MERTK: variants seen among roughly 807,000 people sequenced by gnomAD.
The protein encoded by MERTK is tyrosine-protein kinase Mer.
Under a neutral mutation model 99.3 loss-of-function variants are expected in MERTK, and 69 were observed. The ratio of observed to expected loss-of-function variants is 0.70; its 90% CI spans 0.57 to 0.85. MERTK has a LOEUF of 0.85. Among genes scored for constraint, MERTK ranks in the 40% least tolerant of loss-of-function variants. The pLI is 0.00. For missense variants in MERTK, 1,125 were observed against 1,249.4 expected (o/e 0.90, Z 1.50); for synonymous variants, 426 against 467.6 (o/e 0.91, Z 1.15).
chr2:111,902,344 G>A (rs905709614), intron 1 of MERTK, among the ~76,000 whole-genome samples: 2 of 152,176 alleles, frequency 1.3e-5, no homozygotes, highest in Non-Finnish European at 2.9e-5. Context: ...CTGGGACCTT[G>A]AACACACATG....
intron 18 of MERTK, among the ~76,000 whole-genome samples, chr2:112,024,524 C>T (rs2104426495): frequency 6.6e-6 from 1 of 152,322 alleles, no homozygotes; most frequent in East Asian, 1.9e-4. Flanking sequence ...GCTGTGGCCT[C>T]GGGGCCCCTG....
chr2:112,028,354 T>C lies in MERTK; in HGVS notation c.2490T>C (p.Tyr830=), dbSNP rs762754792. The C allele has an allele frequency of 1.2e-6, 2 of 1,614,136 alleles. No homozygotes were observed. Among genetic ancestry groups the C allele is most frequent in the South Asian group, 1.1e-5 (1 of 91,082 alleles). The change falls in exon 19 of 19, where the codon TAT becomes TAC. Residue 830 remains tyrosine (Y), a synonymous_variant. Coordinates refer to ENST00000295408, the MANE Select transcript of MERTK (RefSeq NM_006343.3). The part of the protein sequence containing the change: ...KQPEDCLDEL[Y]EIMYSCWRTD... Reference sequence around the variant, plus strand: ...TCCACTTCTTTTTAACTTTCAGGTATGAAATAATGTACTCTTGCTGGAGAA... The same window carrying C: ...TCCACTTCTTTTTAACTTTCAGGTACGAAATAATGTACTCTTGCTGGAGAA...
chr2:112,007,716 A>G (rs1015623276), intron 13 of MERTK, among the ~76,000 whole-genome samples: 2 of 151,680 alleles, frequency 1.3e-5, no homozygotes, highest in Non-Finnish European at 2.9e-5. Context: ...CATCCAACTC[A>G]CAAGGCGTGG....
intron 1 of MERTK, among the ~76,000 whole-genome samples, chr2:111,899,700 T>C (rs1356703801): frequency 6.6e-6 from 1 of 152,122 alleles, no homozygotes; most frequent in East Asian, 1.9e-4. Context: ...GTATTTTTAG[T>C]AGAGACGGGG....
At chr2:111,935,264 C>T (rs1286486967) in intron 2 of MERTK, among the ~76,000 whole-genome samples, 6 of 152,172 alleles carry the variant, frequency 3.9e-5, no homozygotes, top group African/African-American at 1.4e-4. Flanking sequence ...AACATTGAGG[C>T]AAGTTGGGCA....
intron 12 of MERTK, 103 bp from the exon 13 acceptor site, chr2:112,003,801 T>C: frequency 9.4e-7 from 1 of 1,067,270 alleles, no homozygotes; most frequent in Non-Finnish European, 1.4e-6. Flanking sequence ...CGTGGGTGAG[T>C]TGCTCTCATA....
At chr2:111,950,674 G>C (rs905684520) in intron 4 of MERTK, among the ~76,000 whole-genome samples, 6 of 152,160 alleles carry the variant, frequency 3.9e-5, no homozygotes, top group African/African-American at 1.4e-4. Flanking sequence ...ACAAGACTTA[G>C]AGAAGATTTT....
chr2:111,929,541 G>A lies in MERTK; in HGVS notation c.482+1G>A. The stretch of plus-strand genomic sequence containing the variant: ...TTACAGCAATAATCGCTTCCTTCAG[G>A]TATGTGTTCTTTCTTCCTTTTTTAT... On this transcript the variant is annotated splice_donor_variant, in intron 2 of 18. Transcript: ENST00000295408. LOFTEE classifies it high-confidence loss of function. 1 of 1,574,310 alleles carries A rather than the reference G, an allele frequency of 6.4e-7. No homozygotes were observed. The highest frequency in any genetic ancestry group is 8.6e-7 in the Non-Finnish European group (1 of 1,159,146).
At chr2:111,970,050 A>G (rs536344750) in intron 6 of MERTK, among the ~76,000 whole-genome samples, 1 of 151,862 alleles carries the variant, frequency 6.6e-6, no homozygotes, top group South Asian at 2.1e-4. Flanking sequence ...AAGCCTCCCA[A>G]GCACTGGTAA....
intron 1 of MERTK, among the ~76,000 whole-genome samples, chr2:111,903,349 T>G (rs1349810048): frequency 6.6e-6 from 1 of 152,230 alleles, no homozygotes; most frequent in East Asian, 1.9e-4. Flanking sequence ...AAAACAATCT[T>G]TTATTTTGCT....
In MERTK at chr2:111,938,509, A is replaced by G. The variant is rs908954993; in HGVS notation, c.483-6451A>G. 2.6e-5 allele frequency among the ~76,000 whole-genome samples: 4 copies of G among 152,228 alleles called. No individual in the cohort carries two copies. In the South Asian group the frequency reaches 8.3e-4, roughly 32 times the overall value. ...TCATTTCTGAGCAGGCTAGACTGGT[A>G]GTGGTAAGGACTGAGGGTTAGAGAC... On this transcript the variant is annotated intron_variant, in intron 2 of 18. Transcript: ENST00000295408.
rs114858296 is a variant in MERTK, at chr2:111,916,811, A to G, written c.62-12309A>G. Among the ~76,000 whole-genome samples the G allele has an allele frequency of 5.6e-3, 845 of 152,222 alleles. 4 individuals carry two copies. The highest frequency in any genetic ancestry group is 0.014 in the Middle Eastern group (4 of 294). ...GGATCTTAGTTTAGTCTTCTGTTTT[A>G]CCTGTTTTCCTCTGACTTGCTCTGG... On this transcript the variant is annotated intron_variant, in intron 1 of 18. Coordinates refer to ENST00000295408, the MANE Select transcript of MERTK (RefSeq NM_006343.3).
At chr2:111,947,275 C>A in intron 3 of MERTK, 119 bp from the exon 4 acceptor site, 2 of 558,846 alleles carry the variant, frequency 3.6e-6, no homozygotes, top group Non-Finnish European at 6.6e-6. Context: ...TCCATCCCCA[C>A]CCGCCCCCCA....
intron 6 of MERTK, among the ~76,000 whole-genome samples, chr2:111,971,342 T>C (rs1039027258): frequency 6.6e-6 from 1 of 152,082 alleles, no homozygotes; most frequent in African/African-American, 2.4e-5. Context: ...TTTTTGTTTC[T>C]TTTTTTTCTG....
At chr2:112,020,393 T>A (rs2104422551) in intron 16 of MERTK, among the ~76,000 whole-genome samples, 1 of 152,290 alleles carries the variant, frequency 6.6e-6, no homozygotes, top group Non-Finnish European at 1.5e-5. Flanking sequence ...GAGGGGTTTC[T>A]CAGGACAAGG....
At chr2:111,962,475 G>A (rs1252718282) in intron 4 of MERTK, among the ~76,000 whole-genome samples, 2 of 152,002 alleles carry the variant, frequency 1.3e-5, no homozygotes, top group Non-Finnish European at 2.9e-5. Flanking sequence ...CCATTGCCTG[G>A]GTGATGACAG....
Position 112,019,626 on chromosome 2 carries a change from C to G in MERTK, c.2189+104C>G. ...CCTGTTTAGATAGGCAAGGAAGCTG[C>G]AGTCAGCGGGGGATGGTGTGGCTTG... On this transcript the variant is annotated intron_variant, in intron 16 of 18. Transcript: ENST00000295408. The G allele has an allele frequency of 3.4e-6, 3 of 882,112 alleles. 1 individual carries two copies. In the South Asian group the frequency reaches 4.0e-5, roughly 12 times the overall value. 54.6% of individuals were successfully genotyped at this position (882,112 alleles called of 1,614,324 possible). A position where few individuals can be genotyped will look rare whatever the true frequency, so the allele number is the denominator to read the frequency against.
At chr2:111,983,948 T>G (rs1676422233) in intron 8 of MERTK, among the ~76,000 whole-genome samples, 1 of 152,196 alleles carries the variant, frequency 6.6e-6, no homozygotes, top group Non-Finnish European at 1.5e-5. Flanking sequence ...TCAAGATTCT[T>G]TAGAGAAACA....
At position 111,997,411 on chromosome 2, in the gene MERTK, T is replaced by G; in HGVS notation, c.1539T>G (p.Ile513Met). The change falls in exon 10 of 19, where the codon ATT (isoleucine) becomes ATG (methionine). Residue 513 changes from isoleucine to methionine, a missense_variant. Transcript: ENST00000295408. ...TCTTTGGCTGCTTTTGTGGATTTAT[T>G]TTGATTGGGTTGATTTTATACATCT... ...LIIFGCFCGF[I>M]LIGLILYISL... 1 of 1,614,122 alleles carries G rather than the reference T, an allele frequency of 6.2e-7. No individual in the cohort carries two copies. The highest frequency in any genetic ancestry group is 1.1e-5 in the South Asian group (1 of 91,078).
Sources: gnomAD v4.1 joint callset for allele counts (sites outside exome capture counted in the v4.1 genomes callset) on GRCh38, gnomAD v4.1.1 for gene constraint, MANE v1.5 for transcripts, NCBI Gene and HGNC (gene_info 2026-07-23, HGNC 2026-07-21) for gene names.